Variants in UBXN8 observed in about 807,000 individuals in gnomAD.
UBXN8 encodes UBX domain-containing protein 8.
A neutral mutation model predicts 32.1 loss-of-function variants in UBXN8; 27 were observed. That is an observed-to-expected ratio of 0.84 (90% CI 0.62 to 1.16). UBXN8 has a LOEUF of 1.16. Ranked by LOEUF, UBXN8 falls within the 50% of genes most tolerant of loss-of-function variation. The probability of loss-of-function intolerance (pLI) is 0.00; values close to 1 mark genes in which losing one functional copy is unlikely to be tolerated. For synonymous variants in UBXN8, 109 were observed against 111.8 expected (o/e 0.98, Z 0.16); for missense variants, 306 against 311.4 (o/e 0.98, Z 0.13).
intron 1 of UBXN8, among the ~76,000 whole-genome samples, chr8:30,749,723 AG>A (rs995256488): frequency 6.6e-6 from 1 of 150,710 alleles, no homozygotes; most frequent in African/African-American, 2.4e-5. Flanking sequence ...TTCCTGCCTC[AG>A]CCTCCCAAGT....
upstream of UBXN8, among the ~76,000 whole-genome samples, chr8:30,742,824 G>A (rs1805241725): frequency 6.6e-6 from 1 of 151,902 alleles, no homozygotes; most frequent in African/African-American, 2.4e-5. Context: ...AACACCCTGT[G>A]TATATCTCTA....
In UBXN8 at chr8:30,747,894, CTTT is replaced by C. The variant is rs67334347; in HGVS notation, c.89-3480_89-3478del. Among the ~76,000 whole-genome samples, 253 of 35,618 alleles carry C rather than the reference CTTT, an allele frequency of 7.1e-3. 2 individuals carry two copies. The highest frequency in any genetic ancestry group is 0.025 in the African/African-American group (231 of 9,372). 23.4% of individuals were successfully genotyped at this position (35,618 alleles called of 152,430 possible). A position where few individuals can be genotyped will look rare whatever the true frequency, so the allele number is the denominator to read the frequency against. On this transcript the variant is annotated intron_variant, in intron 1 of 7. Transcript: ENST00000265616. ...TTTCTTTTTTTAATATATATTTTTT[CTTT>C]TTTTTTTTTTTTTTTTTTTTTGCTA...
At chr8:30,763,121 C>T in intron 6 of UBXN8, 152 bp from the exon 7 acceptor site, 3 of 710,246 alleles carry the variant, frequency 4.2e-6, no homozygotes, top group Non-Finnish European at 7.0e-6. Context: ...CCTGGGATTA[C>T]AGGCGTGAGC....
intron 1 of UBXN8, chr8:30,733,378 A>G (rs9721181): frequency 6.6e-6 from 1 of 152,256 alleles, no homozygotes; most frequent in East Asian, 1.9e-4. Context: ...GGAGCATTAT[A>G]TAAAGAAAAG....
At chr8:30,741,664 A>G (rs1262877608), upstream of UBXN8, among the ~76,000 whole-genome samples, 3 of 152,034 alleles carry the variant, frequency 2.0e-5, no homozygotes, top group Middle Eastern at 3.4e-3. Context: ...GTTGGCCAGG[A>G]TGGTCACAAA....
At chr8:30,729,346 G>T (rs1297424995), upstream of UBXN8, among the ~76,000 whole-genome samples, 1 of 152,250 alleles carries the variant, frequency 6.6e-6, no homozygotes, top group African/African-American at 2.4e-5. Flanking sequence ...TTGAAACTTG[G>T]TAAGACTGGT....
In UBXN8 at chr8:30,750,572, AC is replaced by A. The variant is rs541243702; in HGVS notation, c.89-822del. On this transcript the variant is annotated intron_variant, in intron 1 of 7. Transcript: ENST00000265616. ...CGGATCATGAGGTCAGGAGATCGGG[AC>A]CATCCTGGCTAACATGGTGAAACCC... Among the ~76,000 whole-genome samples the A allele has an allele frequency of 3.6e-3, 550 of 152,114 alleles. 1 individual carries two copies. Among genetic ancestry groups the A allele is most frequent in the African/African-American group, 0.013 (533 of 41,484 alleles).
chr8:30,763,429 G>A (rs1470482150), intron 7 of UBXN8, 82 bp downstream of exon 7: 4 of 1,321,676 alleles, frequency 3.0e-6, no homozygotes, highest in South Asian at 1.2e-5. Context: ...GGGAAGGTGT[G>A]ATCACACTGT....
rs1196366158 is a variant in UBXN8, at chr8:30,760,443, A to ATATATT, written c.529-444_529-443insATATTT. Among the ~76,000 whole-genome samples the ATATATT allele has an allele frequency of 3.2e-3, 289 of 91,090 alleles. 5 individuals are homozygous for ATATATT. Among genetic ancestry groups the ATATATT allele is most frequent in the African/African-American group, 0.013 (258 of 19,542 alleles). 59.8% of individuals were successfully genotyped at this position (91,090 alleles called of 152,430 possible). On this transcript the variant is annotated intron_variant, in intron 5 of 7. Transcript: ENST00000265616. ...ATCATATATATATATATATATATAT[A>ATATATT]TTTTTTTTTTTTTTTAAAGTGACAG...
rs2128757711 is a variant in UBXN8 at position 30,766,847 on chromosome 8, CTTTAAAGTTCT to C, written c.*456_*466del. The C allele has an allele frequency of 6.6e-6, 1 of 152,384 alleles. No individual in the cohort carries two copies. 9.4% of individuals were successfully genotyped at this position (152,384 alleles called of 1,614,324 possible). ...GAAGAAGCTTCAAAGCTCTTGGAGG[CTTTAAAGTTCT>C]TTCTGTTGGGTGTGCATTACAGTTT... On this transcript the variant is annotated 3_prime_UTR_variant, in exon 8 of 8. Coordinates refer to ENST00000265616, the MANE Select transcript of UBXN8 (RefSeq NM_005671.4).
upstream of UBXN8, among the ~76,000 whole-genome samples, chr8:30,741,576 C>T (rs894691334): frequency 1.2e-4 from 18 of 151,100 alleles, no homozygotes; most frequent in African/African-American, 3.9e-4. Flanking sequence ...CTCAGCCTCC[C>T]GAGGAGCTGT....
chr8:30,757,855 G>A (rs561021229), intron 5 of UBXN8, among the ~76,000 whole-genome samples: 1,891 of 137,292 alleles, frequency 0.014, 46 homozygotes, highest in African/African-American at 0.047. Flanking sequence ...GTGAGACTCC[G>A]TCTCAAAAAA....
chr8:30,732,033 C>G (rs3963927), upstream of UBXN8, among the ~76,000 whole-genome samples: 1 of 149,424 alleles, frequency 6.7e-6, no homozygotes, highest in Non-Finnish European at 1.5e-5. Context: ...ACCTGAAAGA[C>G]GCTTTCTTTA....
chr8:30,750,178 C>G (rs1805481954), intron 1 of UBXN8, among the ~76,000 whole-genome samples: 1 of 151,948 alleles, frequency 6.6e-6, no homozygotes, highest in African/African-American at 2.4e-5. Context: ...TGGATTGAGA[C>G]TATTCAGAAA....
chr8:30,766,149 T>C, intron 7 of UBXN8, 78 bp from the exon 8 acceptor site: 1 of 1,403,622 alleles, frequency 7.1e-7, no homozygotes, highest in South Asian at 1.7e-5. Flanking sequence ...GACAAAATTA[T>C]AAAATGTTAT....
upstream of UBXN8, among the ~76,000 whole-genome samples, chr8:30,740,114 C>T (rs112687997): frequency 0.016 from 2,372 of 152,002 alleles, 60 homozygotes; most frequent in African/African-American, 0.053. Context: ...ACCATGTTGT[C>T]CAGGCTGGTC....
intron 1 of UBXN8, among the ~76,000 whole-genome samples, chr8:30,747,307 G>GTTTTTTTTTTTTTTTTTTTTTTTTTTTTT (rs59568820): frequency 1.2e-5 from 1 of 81,730 alleles, no homozygotes; most frequent in African/African-American, 5.4e-5. Context: ...CCTCAGTGGT[G>GTTTTTTTTTTTTTTTTTTTTTTTTTTTTT]TTTTTTTTTT....
chr8:30,737,905 A>G (rs1220748770), intron 1 of UBXN8, among the ~76,000 whole-genome samples: 2 of 152,198 alleles, frequency 1.3e-5, no homozygotes, highest in Non-Finnish European at 2.9e-5. Context: ...GGAAAAAGAG[A>G]CTACTAAAAG....
At chr8:30,766,120 A>T in intron 7 of UBXN8, 107 bp from the exon 8 acceptor site, 2 of 1,136,800 alleles carry the variant, frequency 1.8e-6, no homozygotes, top group Non-Finnish European at 2.4e-6. Context: ...CATTACTCCT[A>T]GGGATATGAT....
Sources: allele counts gnomAD v4.1 joint callset (sites outside exome capture counted in the v4.1 genomes callset), GRCh38; gene constraint gnomAD v4.1.1; transcripts MANE v1.5; gene names NCBI Gene and HGNC (gene_info 2026-07-23, HGNC 2026-07-21).